The following SDK1 variants were observed in gnomAD, a reference collection of about 807,000 sequenced individuals.
SDK1 encodes protein sidekick-1.
Under a neutral mutation model 245.5 loss-of-function variants are expected in SDK1, and 157 were observed. That is an observed-to-expected ratio of 0.64 (90% CI 0.56 to 0.73). The LOEUF (loss-of-function observed/expected upper bound fraction) is 0.73. Ranked by LOEUF, SDK1 falls within the 30% of genes least tolerant of loss-of-function variation. The pLI is 0.00. For missense variants in SDK1, 3,583 were observed against 3,002.3 expected, an observed-to-expected ratio of 1.19 and a Z score of -4.52; for synonymous variants, 1,647 against 1,278.5, an observed-to-expected ratio of 1.29 and a Z score of -6.15.
At chr7:3,974,159 G>A (rs1166980270) in intron 12 of SDK1, among the ~76,000 whole-genome samples, 1 of 147,108 alleles carries the variant, frequency 6.8e-6, no homozygotes, top group African/African-American at 2.5e-5. Flanking sequence ...ACTCCAGCCT[G>A]GGCCACACAG....
intron 22 of SDK1, among the ~76,000 whole-genome samples, chr7:4,090,017 T>C (rs986489370): frequency 2.6e-5 from 4 of 152,214 alleles, no homozygotes; most frequent in Non-Finnish European, 4.4e-5. Context: ...TTTATCCCAG[T>C]GTCTTTAGGA....
intron 1 of SDK1, among the ~76,000 whole-genome samples, chr7:3,580,996 C>CAAAA (rs1418335916): frequency 0.054 from 4,985 of 92,648 alleles, 916 homozygotes; most frequent in Admixed American, 0.066. Context: ...AAAAAAAAAC[C>CAAAA]AAAACAAAAC....
At chr7:4,236,917 G>A (rs1340620551) in intron 41 of SDK1, among the ~76,000 whole-genome samples, 3 of 152,124 alleles carry the variant, frequency 2.0e-5, no homozygotes, top group African/African-American at 7.2e-5. Flanking sequence ...TGCCTTGCTT[G>A]TTTTGTGGAG....
chr7:3,713,288 T>A (rs1785101381), intron 4 of SDK1, among the ~76,000 whole-genome samples: 1 of 152,194 alleles, frequency 6.6e-6, no homozygotes, highest in Admixed American at 6.5e-5. Flanking sequence ...GCTCAGGCTC[T>A]GTGTTGTGAT....
chr7:3,964,342 C>T (rs540655307), intron 9 of SDK1, among the ~76,000 whole-genome samples: 4 of 152,292 alleles, frequency 2.6e-5, no homozygotes, highest in East Asian at 3.9e-4. Flanking sequence ...TGCCTCTTCC[C>T]GCACTAAGCC....
rs11763980 is a variant in SDK1 at position 4,128,359 on chromosome 7, G to T, written c.3939+863G>T. ...TGGCTCTGTGACACATGGCAGTCCCGTTGAGGGGATTCAGTGACCAAAACT... is the reference window on the plus strand; with the variant it reads ...TGGCTCTGTGACACATGGCAGTCCCTTTGAGGGGATTCAGTGACCAAAACT... On this transcript the variant is annotated intron_variant, in intron 26 of 44. Transcript: ENST00000404826. Among the ~76,000 whole-genome samples the T allele has an allele frequency of 3.7e-3, 565 of 152,262 alleles. 7 individuals carry two copies. The highest frequency in any genetic ancestry group is 0.013 in the African/African-American group (533 of 41,536).
chr7:4,082,971 C>G (rs971258768), intron 22 of SDK1, among the ~76,000 whole-genome samples: 1 of 152,032 alleles, frequency 6.6e-6, no homozygotes, highest in Non-Finnish European at 1.5e-5. Context: ...CAGATTCCCC[C>G]AAATTTTCCA....
intron 1 of SDK1, among the ~76,000 whole-genome samples, chr7:3,549,681 C>G (rs1029987659): frequency 2.0e-5 from 3 of 152,084 alleles, no homozygotes; most frequent in East Asian, 1.9e-4. Context: ...TGTAAATAAG[C>G]TGAAAATTAT....
intron 19 of SDK1, among the ~76,000 whole-genome samples, chr7:4,063,240 A>T (rs1277608282): frequency 6.6e-6 from 1 of 152,226 alleles, no homozygotes; most frequent in Admixed American, 6.5e-5. Context: ...CTGATAAATA[A>T]ATTTGGTGAG....
intron 1 of SDK1, among the ~76,000 whole-genome samples, chr7:3,612,173 C>G (rs1781615261): frequency 6.6e-6 from 1 of 152,088 alleles, no homozygotes; most frequent in South Asian, 2.1e-4. Context: ...ACCAAAATCT[C>G]ACAAATCACC....
At chr7:3,311,179 G>A (rs1322016634) in intron 1 of SDK1, among the ~76,000 whole-genome samples, 3 of 152,134 alleles carry the variant, frequency 2.0e-5, no homozygotes, top group East Asian at 1.9e-4. Context: ...ATTGCAGGGC[G>A]ATGGGCCTGG....
chr7:3,922,332 C>T (rs80340285), intron 5 of SDK1, among the ~76,000 whole-genome samples: 4,315 of 152,302 alleles, frequency 0.028, 216 homozygotes, highest in African/African-American at 0.098. Flanking sequence ...TGACCCTGGG[C>T]ACCTCCTCCC....
At chr7:3,909,021 G>A (rs1259453295) in intron 5 of SDK1, among the ~76,000 whole-genome samples, 1 of 152,140 alleles carries the variant, frequency 6.6e-6, no homozygotes, top group African/African-American at 2.4e-5. Context: ...AGCCAGGGTG[G>A]GAGGAGATGA....
At chr7:3,421,840 T>C (rs998776813) in intron 1 of SDK1, among the ~76,000 whole-genome samples, 1 of 152,192 alleles carries the variant, frequency 6.6e-6, no homozygotes, top group African/African-American at 2.4e-5. Flanking sequence ...CTGCCAGGGC[T>C]GCTGCCTTCC....
intron 32 of SDK1, among the ~76,000 whole-genome samples, chr7:4,165,221 T>TC (rs1781430829): frequency 1.3e-5 from 2 of 151,846 alleles, no homozygotes; most frequent in South Asian, 4.2e-4. Flanking sequence ...TAGCCGGGCG[T>TC]GGTGATGGGC....
At chr7:3,893,208 C>T (rs1016332515) in intron 5 of SDK1, among the ~76,000 whole-genome samples, 3 of 152,046 alleles carry the variant, frequency 2.0e-5, no homozygotes, top group African/African-American at 7.2e-5. Context: ...AAATCTGATC[C>T]CTTAACCAGT....
At chr7:3,824,214 G>A (rs535965929) in intron 5 of SDK1, among the ~76,000 whole-genome samples, 1 of 152,120 alleles carries the variant, frequency 6.6e-6, no homozygotes, top group Non-Finnish European at 1.5e-5. Context: ...TTGATACTGG[G>A]AGTAAGATAG....
chr7:4,157,765 C>T (rs1008903304), intron 30 of SDK1, among the ~76,000 whole-genome samples: 8 of 152,166 alleles, frequency 5.3e-5, no homozygotes, highest in Non-Finnish European at 1.0e-4. Context: ...ATGATGCCTC[C>T]TCTCCCAGAG....
rs765423627 is a variant in SDK1, at chr7:4,114,145, C to T, written c.3694C>T (p.Arg1232Trp). The T allele has an allele frequency of 5.0e-6, 8 of 1,614,196 alleles. No homozygotes were observed. Among genetic ancestry groups the T allele is most frequent in the East Asian group, 2.2e-5 (1 of 44,884 alleles). The change falls in exon 25 of 45, where the codon CGG becomes TGG. Residue 1232 changes from arginine to tryptophan, a missense_variant. Physicochemically the swap from Arg to Trp is moderately radical, Grantham distance 101 (BLOSUM62 -3). Coordinates refer to ENST00000404826, the MANE Select transcript of SDK1 (RefSeq NM_152744.4). ...SSAVAQVVSD[R>W]LEREFTIEEL... is the part of the protein sequence containing the mutation. The stretch of plus-strand genomic sequence containing the variant: ...AGCAGTGGCCCAAGTCGTCAGTGAC[C>T]GGCTGGAGAGAGAATTCACCATCGA...
Sources: gnomAD v4.1 joint callset for allele counts (sites outside exome capture counted in the v4.1 genomes callset) on GRCh38, gnomAD v4.1.1 for gene constraint, MANE v1.5 for transcripts, NCBI Gene and HGNC (gene_info 2026-07-23, HGNC 2026-07-21) for gene names.